The following FRMPD4 variants were observed in gnomAD, a reference collection of about 807,000 sequenced individuals.
FRMPD4 encodes the protein FERM and PDZ domain containing 4.
A neutral mutation model predicts 94.1 loss-of-function variants in FRMPD4; 22 were observed. That is an observed-to-expected ratio of 0.23 (90% CI 0.17 to 0.33). FRMPD4 has a LOEUF of 0.33. Among genes scored for constraint, FRMPD4 ranks in the 10% least tolerant of loss-of-function variants. The pLI is 1.00. For synonymous variants in FRMPD4, 631 were observed against 548.6 expected, an observed-to-expected ratio of 1.15 and a Z score of -2.10; for missense variants, 1,111 against 1,339.9, an observed-to-expected ratio of 0.83 and a Z score of 2.67.
intron 2 of FRMPD4, among the ~76,000 whole-genome samples, chrX:12,569,318 T>C (rs2058740303): frequency 8.9e-6 from 1 of 112,330 alleles, no homozygotes; most frequent in Non-Finnish European, 1.9e-5. Flanking sequence ...AAAATTTTGA[T>C]AAAATTTCAG....
intron 5 of FRMPD4, among the ~76,000 whole-genome samples, chrX:12,679,160 T>A (rs143047585): frequency 0.017 from 1,867 of 111,852 alleles, 43 homozygotes; most frequent in African/African-American, 0.057. Flanking sequence ...CTGTGGGCTC[T>A]TCCTGGCCCC....
intron 1 of FRMPD4, among the ~76,000 whole-genome samples, chrX:12,239,152 A>G (rs186909715): frequency 1.8e-5 from 2 of 112,455 alleles, no homozygotes; most frequent in Admixed American, 1.9e-4. Flanking sequence ...GTTCTCAGGT[A>G]TCCATCATTT....
At chrX:12,673,273 G>T (rs1338810413) in intron 4 of FRMPD4, among the ~76,000 whole-genome samples, 1 of 112,054 alleles carries the variant, frequency 8.9e-6, no homozygotes, top group East Asian at 2.8e-4. Flanking sequence ...AACGTTTCTT[G>T]TTGCCTGTGA....
At chrX:12,416,758 T>A (rs1190812177) in intron 1 of FRMPD4, among the ~76,000 whole-genome samples, 1 of 111,887 alleles carries the variant, frequency 8.9e-6, no homozygotes, top group African/African-American at 3.3e-5. Context: ...TTTTTGAAGG[T>A]ATCTAGCATG....
chrX:12,603,132 C>T (rs1276197635), intron 2 of FRMPD4, among the ~76,000 whole-genome samples: 1 of 111,865 alleles, frequency 8.9e-6, no homozygotes, highest in Non-Finnish European at 1.9e-5. Context: ...ACGATGACCT[C>T]AAGCATACCT....
At chrX:11,882,257 G>A (rs2053818147) in intron 3 of FRMPD4, among the ~76,000 whole-genome samples, 1 of 110,765 alleles carries the variant, frequency 9.0e-6, no homozygotes, top group African/African-American at 3.3e-5. Flanking sequence ...GGCTTCTTCA[G>A]GGGAGGAGGA....
chrX:12,583,388 A>G, intron 2 of FRMPD4: 1 of 1,006,683 alleles, frequency 9.9e-7, no homozygotes, highest in Non-Finnish European at 1.4e-6. Context: ...GGTCCAGGGA[A>G]GCTCCGCCAG....
intron 3 of FRMPD4, among the ~76,000 whole-genome samples, chrX:11,945,496 T>C (rs2054183963): frequency 8.9e-6 from 1 of 111,812 alleles, no homozygotes; most frequent in Non-Finnish European, 1.9e-5. Context: ...GTCCATTTTG[T>C]GTTGCTATAA....
chrX:12,254,159 A>G (rs2054083290), intron 1 of FRMPD4, among the ~76,000 whole-genome samples: 1 of 112,161 alleles, frequency 8.9e-6, no homozygotes, highest in Non-Finnish European at 1.9e-5. Context: ...TTGAATATGT[A>G]GAGAAACAAT....
chrX:12,171,934 C>T (rs1016679927), intron 1 of FRMPD4, among the ~76,000 whole-genome samples: 1 of 110,824 alleles, frequency 9.0e-6, no homozygotes, highest in Admixed American at 9.6e-5. Flanking sequence ...CTGGTCATAC[C>T]ACAAATCCTG....
intron 1 of FRMPD4, among the ~76,000 whole-genome samples, chrX:12,336,201 T>C (rs1309804330): frequency 8.9e-6 from 1 of 112,062 alleles, no homozygotes; most frequent in East Asian, 2.8e-4. Flanking sequence ...CTTTAGATCT[T>C]GCTTTAGCTC....
chrX:12,428,444 A>G (rs1444617390), intron 1 of FRMPD4, among the ~76,000 whole-genome samples: 2 of 111,448 alleles, frequency 1.8e-5, no homozygotes. Context: ...ATCAGTTTAT[A>G]GTTTTTTCCT....
At chrX:12,263,575 A>G (rs1330176170) in intron 1 of FRMPD4, among the ~76,000 whole-genome samples, 1 of 111,434 alleles carries the variant, frequency 9.0e-6, no homozygotes, top group Non-Finnish European at 1.9e-5. Context: ...AGAGAAGGGA[A>G]GCGGCAGGGA....
At chrX:12,679,385 C>G (rs765496090) in intron 5 of FRMPD4, among the ~76,000 whole-genome samples, 1 of 111,720 alleles carries the variant, frequency 9.0e-6, no homozygotes, top group Non-Finnish European at 1.9e-5. Context: ...ACCAGGGGAG[C>G]CGATTCAACC....
At chrX:12,676,078 CTT>C (rs2059895482) in intron 5 of FRMPD4, among the ~76,000 whole-genome samples, 1 of 112,237 alleles carries the variant, frequency 8.9e-6, no homozygotes, top group Non-Finnish European at 1.9e-5. Context: ...AACTCCATCT[CTT>C]TGACAGAACT....
At chrX:12,145,069 G>A (rs1050080246) in intron 1 of FRMPD4, among the ~76,000 whole-genome samples, 6 of 111,158 alleles carry the variant, frequency 5.4e-5, no homozygotes, top group Admixed American at 9.6e-5. Flanking sequence ...ATTTTTTATA[G>A]GCTTCACAAG....
chrX:11,949,699 T>C (rs1464663881), intron 3 of FRMPD4, among the ~76,000 whole-genome samples: 1 of 111,371 alleles, frequency 9.0e-6, no homozygotes, highest in African/African-American at 3.3e-5. Flanking sequence ...ACCAAGCTGG[T>C]TGCTTCAATA....
At chrX:12,291,388 C>T (rs1170276950) in intron 1 of FRMPD4, among the ~76,000 whole-genome samples, 3 of 111,716 alleles carry the variant, frequency 2.7e-5, no homozygotes, top group African/African-American at 6.5e-5. Context: ...GGATTGTCCT[C>T]GGCTCCCTTT....
intron 3 of FRMPD4, among the ~76,000 whole-genome samples, chrX:12,098,981 T>G (rs1158991761): frequency 9.8e-6 from 1 of 102,291 alleles, no homozygotes; most frequent in Admixed American, 1.1e-4. Flanking sequence ...GATAAAAAAA[T>G]TTCCACTCAC....
Sources: gnomAD v4.1 joint callset for allele counts (sites outside exome capture counted in the v4.1 genomes callset) on GRCh38, gnomAD v4.1.1 for gene constraint, MANE v1.5 for transcripts, NCBI Gene and HGNC (gene_info 2026-07-23, HGNC 2026-07-21) for gene names.